Variants in CSMD1 observed in about 807,000 individuals in gnomAD.
The protein encoded by CSMD1 is CUB and sushi domain-containing protein 1.
Under a neutral mutation model 417.5 loss-of-function variants are expected in CSMD1, and 213 were observed. That is an observed-to-expected ratio of 0.51 (90% CI 0.46 to 0.57). The LOEUF is 0.57. CSMD1 is among the 20% of genes least tolerant of loss of function. The probability of loss-of-function intolerance (pLI) is 0.00; values close to 1 mark genes in which losing one functional copy is unlikely to be tolerated. For missense variants in CSMD1, 6,923 were observed against 4,529.7 expected (o/e 1.53, Z -15.17); for synonymous variants, 2,862 against 1,736.8 (o/e 1.65, Z -16.11).
intron 3 of CSMD1, among the ~76,000 whole-genome samples, chr8:4,419,054 A>G (rs1797104471): frequency 6.6e-6 from 1 of 152,206 alleles, no homozygotes; most frequent in Non-Finnish European, 1.5e-5. Context: ...TTCCCACAAA[A>G]TACGATTTTT....
At chr8:3,986,215 A>T (rs1814308820) in intron 5 of CSMD1, among the ~76,000 whole-genome samples, 1 of 152,084 alleles carries the variant, frequency 6.6e-6, no homozygotes, top group Non-Finnish European at 1.5e-5. Flanking sequence ...GATGGTGCAA[A>T]GACACCAGAT....
At chr8:3,058,644 G>A (rs1350730084) in intron 49 of CSMD1, among the ~76,000 whole-genome samples, 1 of 151,994 alleles carries the variant, frequency 6.6e-6, no homozygotes, top group Non-Finnish European at 1.5e-5. Context: ...CTTATCCCCA[G>A]GCCATGCTGA....
At chr8:3,042,773 T>C (rs1468304158) in intron 50 of CSMD1, among the ~76,000 whole-genome samples, 4 of 152,188 alleles carry the variant, frequency 2.6e-5, no homozygotes, top group African/African-American at 4.8e-5. Flanking sequence ...CTCATAGACA[T>C]AACCTTAGTT....
chr8:4,284,133 C>T (rs1276722834), intron 3 of CSMD1, among the ~76,000 whole-genome samples: 6 of 151,960 alleles, frequency 3.9e-5, no homozygotes, highest in Non-Finnish European at 5.9e-5. Flanking sequence ...TTTGGGAGGC[C>T]GAGAAGGGTG....
chr8:3,768,777 G>T (rs144609271), intron 5 of CSMD1, among the ~76,000 whole-genome samples: 1 of 152,166 alleles, frequency 6.6e-6, no homozygotes, highest in Non-Finnish European at 1.5e-5. Context: ...CTCAGAAATC[G>T]TAAGGCTTGT....
chr8:3,374,388 C>A (rs1004030995), intron 18 of CSMD1, among the ~76,000 whole-genome samples: 30 of 152,240 alleles, frequency 2.0e-4, no homozygotes, highest in African/African-American at 7.0e-4. Context: ...TGCTTCTGGG[C>A]ATAGAACAAT....
chr8:2,994,330 T>G (rs146370491), intron 54 of CSMD1, among the ~76,000 whole-genome samples: 72 of 152,214 alleles, frequency 4.7e-4, no homozygotes, highest in African/African-American at 1.6e-3. Context: ...AATTGATGGA[T>G]GAGCATTTTC....
At chr8:4,299,243 G>A (rs536343420) in intron 3 of CSMD1, among the ~76,000 whole-genome samples, 5 of 152,084 alleles carry the variant, frequency 3.3e-5, no homozygotes, top group Non-Finnish European at 7.4e-5. Flanking sequence ...ATAAGACACT[G>A]TAAATATTTA....
At chr8:4,337,223 GA>G (rs1800224119) in intron 3 of CSMD1, among the ~76,000 whole-genome samples, 1 of 152,032 alleles carries the variant, frequency 6.6e-6, no homozygotes, top group African/African-American at 2.4e-5. Flanking sequence ...CTTTACCCAG[GA>G]GGCAAAAACT....
chr8:4,146,909 G>C (rs956911326), intron 3 of CSMD1, among the ~76,000 whole-genome samples: 3 of 151,654 alleles, frequency 2.0e-5, no homozygotes, highest in Non-Finnish European at 4.4e-5. Flanking sequence ...CACCGCACCG[G>C]CCAGACACAC....
chr8:4,163,409 T>A (rs2131104483), intron 3 of CSMD1, among the ~76,000 whole-genome samples: 1 of 152,340 alleles, frequency 6.6e-6, no homozygotes, highest in East Asian at 1.9e-4. Flanking sequence ...TTGTTGGTGT[T>A]ATGGATTTTG....
chr8:4,105,017 A>G (rs1801496535), intron 3 of CSMD1, among the ~76,000 whole-genome samples: 1 of 152,208 alleles, frequency 6.6e-6, no homozygotes, highest in South Asian at 2.1e-4. Flanking sequence ...TCAATTAAAA[A>G]CTACATTATA....
chr8:3,953,970 G>A (rs1463704387), intron 5 of CSMD1, among the ~76,000 whole-genome samples: 2 of 152,190 alleles, frequency 1.3e-5, no homozygotes, highest in Admixed American at 6.5e-5. Flanking sequence ...GGAGCGCACA[G>A]GAGCCCTTCC....
intron 5 of CSMD1, among the ~76,000 whole-genome samples, chr8:3,786,692 C>G (rs1164634176): frequency 6.6e-6 from 1 of 152,140 alleles, no homozygotes; most frequent in Non-Finnish European, 1.5e-5. Context: ...TAAACGAAAA[C>G]CATGTATTTC....
chr8:3,294,233 A>T (rs1028182227), intron 25 of CSMD1, among the ~76,000 whole-genome samples: 6 of 109,010 alleles, frequency 5.5e-5, no homozygotes, highest in Admixed American at 4.5e-4. Context: ...GTTGGCCCCT[A>T]CTGGGGGGTG....
intron 3 of CSMD1, among the ~76,000 whole-genome samples, chr8:4,134,708 A>G (rs953684600): frequency 6.6e-5 from 10 of 152,168 alleles, no homozygotes; most frequent in Non-Finnish European, 1.0e-4. Flanking sequence ...GAACCACACC[A>G]CTTACCTCTT....
rs1429467456 is a variant in CSMD1 at position 3,273,352 on chromosome 8, T to A, written c.4153+10792A>T. On this transcript the variant is annotated intron_variant, in intron 26 of 69. Coordinates refer to ENST00000635120, the MANE Select transcript of CSMD1 (RefSeq NM_033225.6). ...GGTTTGCCAGTATTTTATTGAGGAT[T>A]TTTACATCAATGTTCATCAAGGATA... 3.9e-5 allele frequency among the ~76,000 whole-genome samples: 6 copies of A among 152,232 alleles called. No homozygotes were observed. In the East Asian group the frequency reaches 1.2e-3, roughly 29 times the overall value.
intron 3 of CSMD1, among the ~76,000 whole-genome samples, chr8:4,290,533 G>T (rs932500956): frequency 6.6e-6 from 1 of 152,108 alleles, no homozygotes; most frequent in African/African-American, 2.4e-5. Context: ...CTGAGTTATG[G>T]GGGAAAACAA....
At chr8:3,380,856 G>A (rs926795465) in intron 18 of CSMD1, among the ~76,000 whole-genome samples, 10 of 151,438 alleles carry the variant, frequency 6.6e-5, no homozygotes, top group South Asian at 6.2e-4. Flanking sequence ...AAACCTGCAC[G>A]ATCCGCACAT....
Sources: allele counts gnomAD v4.1 joint callset (sites outside exome capture counted in the v4.1 genomes callset), GRCh38; gene constraint gnomAD v4.1.1; transcripts MANE v1.5; gene names NCBI Gene and HGNC (gene_info 2026-07-23, HGNC 2026-07-21).